PIGT: variants seen among roughly 807,000 people sequenced by gnomAD.
PIGT encodes the protein GPI-anchor transamidase component PIGT.
In PIGT, 57 loss-of-function variants were observed where a neutral mutation model predicts 66.7. The observed-to-expected ratio is 0.86, with a 90% CI of 0.69 to 1.07. PIGT has a LOEUF of 1.07. Ranked by LOEUF, PIGT falls within the 50% of genes least tolerant of loss-of-function variation. PIGT has a pLI of 0.00. For missense variants in PIGT, 725 were observed against 740.4 expected (o/e 0.98, Z 0.24); for synonymous variants, 362 against 320.5 (o/e 1.13, Z -1.38).
Position 45,418,989 on chromosome 20 carries a change from C to G in PIGT, c.493+10C>G, listed in dbSNP as rs775828733. On this transcript the variant is annotated intron_variant, in intron 3 of 11. Coordinates refer to ENST00000279036, the MANE Select transcript of PIGT (RefSeq NM_015937.6). Reference sequence around the variant, plus strand: ...CTGGGTCTGGCCAATGGTGAGATAACCCCTACAGCCCTTTCCTTCTTCCTC... The same window carrying G: ...CTGGGTCTGGCCAATGGTGAGATAAGCCCTACAGCCCTTTCCTTCTTCCTC... 4.3e-6 allele frequency: 7 copies of G among 1,614,036 alleles called. No homozygotes were observed. In the East Asian group the frequency reaches 1.1e-4, roughly 26 times the overall value.
rs1990574073 is a variant in PIGT at position 45,424,310 on chromosome 20, C to T, written c.1329C>T (p.Ser443=). Residue 443 remains serine, a synonymous_variant, in exon 10 of 12, where the codon TCC becomes TCT. Transcript: ENST00000279036. The part of the protein sequence containing the change: ...QLPANSVTKV[S]IQFERALLKW... ...CGGCCAACTCAGTCACCAAGGTTTC[C>T]ATCCAGTTTGAGCGGGCGCTGCTGA... The T allele has an allele frequency of 6.2e-7, 1 of 1,614,196 alleles. No homozygotes were observed. The highest frequency in any genetic ancestry group is 8.5e-7 in the Non-Finnish European group (1 of 1,180,022).
At chr20:45,425,527 G>T in intron 11 of PIGT, 47 bp from the exon 12 acceptor site, 1 of 1,593,448 alleles carries the variant, frequency 6.3e-7, no homozygotes, top group South Asian at 1.1e-5. Context: ...GGGGTGAGAT[G>T]GGGAGGAGCA....
intron 2 of PIGT, chr20:45,417,024 C>T (rs143936838): frequency 1.4e-3 from 268 of 189,870 alleles, no homozygotes; most frequent in African/African-American, 5.9e-3. Flanking sequence ...ATAAATACCA[C>T]GAAAGCCAAC....
chr20:45,416,178 G>A lies in PIGT; in HGVS notation c.22G>A (p.Ala8Thr), dbSNP rs569386009. 12 of 1,579,648 alleles carry A rather than the reference G, an allele frequency of 7.6e-6. No individual in the cohort carries two copies. The highest frequency in any genetic ancestry group is 4.1e-5 in the African/African-American group (3 of 74,034). ...AGGCATGGCGGCGGCTATGCCGCTTGCTCTGCTCGTCCTGTTGCTCCTGGG... is the reference window on the plus strand; with the variant it reads ...AGGCATGGCGGCGGCTATGCCGCTTACTCTGCTCGTCCTGTTGCTCCTGGG... MAAAMPLALLVLLLLGPG... is the reference protein window; with the variant it reads MAAAMPLTLLVLLLLGPG... Residue 8 changes from alanine to threonine, a missense_variant, in exon 1 of 12, where the codon GCT becomes ACT. This residue lies in a region of PIGT where 559 missense variants were observed against 552.7 expected (regional missense o/e 1.01). Transcript: ENST00000279036.
intron 11 of PIGT, chr20:45,425,153 TTCTTTCTTTCTTTC>T (rs1568954864): frequency 4.9e-5 from 4 of 82,162 alleles, no homozygotes; most frequent in African/African-American, 1.4e-4. Context: ...CTTTCTTTCT[TTCTTTCTTTCTTTC>T]TTTCTTTCTT....
chr20:45,423,518 GTTTCTT>G (rs1301704402), intron 9 of PIGT: 1 of 150,662 alleles, frequency 6.6e-6, no homozygotes, highest in Non-Finnish European at 1.5e-5. Context: ...AAAAAAAAAA[GTTTCTT>G]TTTCTTTAAA....
intron 8 of PIGT, 55 bp downstream of exon 8, chr20:45,420,748 C>A: frequency 6.5e-7 from 1 of 1,549,168 alleles, no homozygotes; most frequent in Non-Finnish European, 8.9e-7. Flanking sequence ...AGAAAAGACT[C>A]ACAATCCCAC....
intron 8 of PIGT, chr20:45,421,137 G>C: frequency 1.8e-6 from 1 of 563,660 alleles, no homozygotes; most frequent in Non-Finnish European, 3.2e-6. Flanking sequence ...GAGAGGACCT[G>C]GATTGGGTTC....
rs993697819 is a variant in PIGT, at chr20:45,420,381, C to A, written c.819C>A (p.Pro273=). Residue 273 remains proline (P), a synonymous_variant, in exon 7 of 12, where the codon CCC becomes CCA. Coordinates refer to ENST00000279036, the MANE Select transcript of PIGT (RefSeq NM_015937.6). ...MFSRTLTEPC[P]LASESRVYVD... is the part of the protein sequence containing the mutation. ...CCCGAACCCTCACGGAGCCCTGCCC[C>A]CTGGCTTCAGAGAGCCGAGTCTATG... The A allele has an allele frequency of 1.2e-6, 2 of 1,613,770 alleles. No individual in the cohort carries two copies. The highest frequency in any genetic ancestry group is 4.5e-5 in the East Asian group (2 of 44,834).
Position 45,419,361 on chromosome 20 carries a change from C to A in PIGT, c.560C>A (p.Thr187Asn), listed in dbSNP as rs1990194970. ...GAGGTGGTCTGCACCGAAAACCTCA[C>A]CCCCTGGAAGAAGCTCTTGCCCTGT... The part of the protein sequence containing the change: ...PREVVCTENL[T>N]PWKKLLPCSS... Residue 187 changes from threonine to asparagine, a missense_variant, in exon 4 of 12, where the codon ACC (threonine) becomes AAC (asparagine). Thr to Asn is a moderately conservative substitution (Grantham distance 65). Coordinates refer to ENST00000279036, the MANE Select transcript of PIGT (RefSeq NM_015937.6). 1 of 1,613,852 alleles carries A rather than the reference C, an allele frequency of 6.2e-7. No individual in the cohort carries two copies. The highest frequency in any genetic ancestry group is 8.5e-7 in the Non-Finnish European group (1 of 1,179,882).
chr20:45,420,361 A>G lies in PIGT; in HGVS notation c.799A>G (p.Thr267Ala). 3.1e-6 allele frequency: 5 copies of G among 1,613,204 alleles called. No individual in the cohort carries two copies. Among genetic ancestry groups the G allele is most frequent in the South Asian group, 1.1e-5 (1 of 90,926 alleles). ...DWSLFRMFSRTLTEPCPLASE... is the reference protein window; with the variant it reads ...DWSLFRMFSRALTEPCPLASE... ...GTCCCTCTTCCGGATGTTCTCCCGA[A>G]CCCTCACGGAGCCCTGCCCCCTGGC... The change falls in exon 7 of 12, where the codon ACC (threonine) becomes GCC (alanine). Residue 267 changes from threonine (T) to alanine (A), a missense_variant. Transcript: ENST00000279036.
intron 11 of PIGT, 41 bp downstream of exon 11, chr20:45,424,620 C>G: frequency 6.6e-7 from 1 of 1,518,506 alleles, no homozygotes; most frequent in Non-Finnish European, 9.1e-7. Context: ...TCCTCAGCTG[C>G]CTGCTGGGCC....
intron 9 of PIGT, chr20:45,422,232 T>C (rs1990409783): frequency 6.6e-6 from 1 of 152,114 alleles, no homozygotes. Context: ...TTCAGTACTT[T>C]AGTTGATTCC....
At chr20:45,417,415 C>T (rs754787420) in intron 2 of PIGT, 2 of 152,166 alleles carry the variant, frequency 1.3e-5, no homozygotes, top group Non-Finnish European at 2.9e-5. Context: ...GACATTCTAA[C>T]GAGGACAGCT....
At chr20:45,419,244 C>T (rs779941577) in intron 3 of PIGT, 51 bp from the exon 4 acceptor site, 21 of 1,461,270 alleles carry the variant, frequency 1.4e-5, no homozygotes, top group Admixed American at 3.4e-5. Context: ...ATGTGGATCC[C>T]GAGGGGTCAG....
chr20:45,425,407 C>G, intron 11 of PIGT, 167 bp from the exon 12 acceptor site: 1 of 575,778 alleles, frequency 1.7e-6, no homozygotes, highest in Non-Finnish European at 2.9e-6. Context: ...GCCCGCCGCT[C>G]CCCTTTATCA....
chr20:45,420,825 A>G, intron 8 of PIGT, 132 bp downstream of exon 8: 3 of 865,808 alleles, frequency 3.5e-6, no homozygotes, highest in Non-Finnish European at 5.5e-6. Context: ...TGCTGACTGT[A>G]GCTATTCCAA....
chr20:45,420,399 A>T lies in PIGT; in HGVS notation c.837A>T (p.Arg279=), dbSNP rs146764121. 2.7e-5 allele frequency: 44 copies of T among 1,613,512 alleles called. No homozygotes were observed. Among genetic ancestry groups the T allele is most frequent in the Non-Finnish European group, 3.5e-5 (41 of 1,179,884 alleles). The stretch of plus-strand genomic sequence containing the variant: ...CCTGCCCCCTGGCTTCAGAGAGCCG[A>T]GTCTATGTGGACATCACCACCTACA... The part of the protein sequence containing the change: ...TEPCPLASES[R]VYVDITTYNQ... The change falls in exon 7 of 12, where the codon CGA becomes CGT. Residue 279 remains arginine (R), a synonymous_variant. Transcript: ENST00000279036.
intron 2 of PIGT, chr20:45,418,201 A>T (rs1990109343): frequency 6.4e-6 from 1 of 155,278 alleles, no homozygotes; most frequent in African/African-American, 2.4e-5. Context: ...ATGATAGTAG[A>T]ATCAGGACTT....
Sources: gnomAD v4.1 joint callset for allele counts on GRCh38, gnomAD v4.1.1 for gene constraint, gnomAD v4.1.1 regional missense constraint, MANE v1.5 for transcripts, NCBI Gene and HGNC (gene_info 2026-07-23, HGNC 2026-07-21) for gene names.